Variants in STRIP1 observed in about 807,000 individuals in gnomAD.
STRIP1 encodes the protein striatin-interacting protein 1.
A neutral mutation model predicts 106.2 loss-of-function variants in STRIP1; 63 were observed. The observed-to-expected ratio is 0.59, with a 90% CI of 0.48 to 0.73. STRIP1 has a LOEUF of 0.73. Among genes scored for constraint, STRIP1 ranks in the 30% least tolerant of loss-of-function variants. The probability of loss-of-function intolerance (pLI) is 0.00; values close to 1 mark genes in which losing one functional copy is unlikely to be tolerated. For synonymous variants in STRIP1, 390 were observed against 413.0 expected, an observed-to-expected ratio of 0.94 and a Z score of 0.67; for missense variants, 857 against 1,074.8, an observed-to-expected ratio of 0.80 and a Z score of 2.83.
At chr1:110,049,835 C>CTTTTT in intron 17 of STRIP1, 3 of 234,356 alleles carry the variant, frequency 1.3e-5, no homozygotes, top group East Asian at 9.6e-5. Context: ...CCCTTCTGTA[C>CTTTTT]TTTTTTTTTT....
At chr1:110,051,228 G>A (rs1653284568) in intron 19 of STRIP1, among the ~76,000 whole-genome samples, 168 bp downstream of exon 19, 1 of 152,200 alleles carries the variant, frequency 6.6e-6, no homozygotes, top group Non-Finnish European at 1.5e-5. Context: ...GAATTGAACT[G>A]GAAGCTGGAA....
chr1:110,038,653 A>G (rs1367171965), intron 2 of STRIP1, 30 bp from the exon 3 acceptor site: 1 of 1,601,044 alleles, frequency 6.2e-7, no homozygotes. Flanking sequence ...CAGACATGGA[A>G]CCAATGGTGA....
intron 1 of STRIP1, among the ~76,000 whole-genome samples, chr1:110,036,912 T>G (rs1652484317): frequency 6.6e-6 from 1 of 152,112 alleles, no homozygotes; most frequent in Admixed American, 6.5e-5. Context: ...CAACCTCCAC[T>G]TCCGGGGCTC....
chr1:110,041,142 A>T lies in STRIP1; in HGVS notation c.651-394A>T, dbSNP rs1320213351. 4 of 192,304 alleles carry T rather than the reference A, an allele frequency of 2.1e-5. No homozygotes were observed. In the Admixed American group the frequency reaches 2.2e-4, roughly 11 times the overall value. 11.9% of individuals were successfully genotyped at this position (192,304 alleles called of 1,614,324 possible). A position where few individuals can be genotyped will look rare whatever the true frequency, so the allele number is the denominator to read the frequency against. On this transcript the variant is annotated intron_variant, in intron 6 of 20. Transcript: ENST00000369795. Reference sequence around the variant, plus strand: ...CTCACAGCAACTGCTGACCACCAAGATCACCCCTCAGTTTTTGAGGGTTGA... The same window carrying T: ...CTCACAGCAACTGCTGACCACCAAGTTCACCCCTCAGTTTTTGAGGGTTGA...
chr1:110,045,805 GAGAAA>G (rs1021351874), intron 12 of STRIP1, among the ~76,000 whole-genome samples: 1 of 151,800 alleles, frequency 6.6e-6, no homozygotes, highest in African/African-American at 2.4e-5. Flanking sequence ...AGGTTCTAAA[GAGAAA>G]AGAGAAGGGT....
intron 12 of STRIP1, 43 bp from the exon 13 acceptor site, chr1:110,046,637 A>G (rs771579473): frequency 6.3e-7 from 1 of 1,581,444 alleles, no homozygotes; most frequent in South Asian, 1.1e-5. Flanking sequence ...GTTTGGCCAG[A>G]GAATGTTTTC....
Position 110,047,826 on chromosome 1 carries a change from GACTC to G in STRIP1, c.1620_1623del (p.Asp540GlufsTer5). 1 of 1,569,056 alleles carries G rather than the reference GACTC, an allele frequency of 6.4e-7. No homozygotes were observed. Among genetic ancestry groups the G allele is most frequent in the Non-Finnish European group, 8.7e-7 (1 of 1,155,668 alleles). On this transcript the variant is annotated frameshift_variant, in exon 15 of 21. Transcript: ENST00000369795. LOFTEE classifies it high-confidence loss of function. ...AGCACCCACCTCAAAAGCCAAAACAGACTCAATCAACATCCTAGCGGACGTCTTG... is the reference window on the plus strand; with the variant it reads ...AGCACCCACCTCAAAAGCCAAAACAGAATCAACATCCTAGCGGACGTCTTG...
chr1:110,040,982 C>T (rs541565259), intron 6 of STRIP1, among the ~76,000 whole-genome samples: 7 of 152,098 alleles, frequency 4.6e-5, no homozygotes, highest in African/African-American at 7.2e-5. Flanking sequence ...AGGACCTGGT[C>T]GTGGGGTATT....
At chr1:110,042,460 CT>C (rs1421797282) in intron 8 of STRIP1, among the ~76,000 whole-genome samples, 1 of 152,196 alleles carries the variant, frequency 6.6e-6, no homozygotes, top group Non-Finnish European at 1.5e-5. Context: ...CTCATCCTTC[CT>C]TTCAGAATGG....
chr1:110,039,608 A>G, intron 5 of STRIP1, 93 bp downstream of exon 5: 1 of 1,423,892 alleles, frequency 7.0e-7, no homozygotes, highest in Non-Finnish European at 9.6e-7. Context: ...AGAGGGTTAA[A>G]TGGGGCAGAA....
intron 12 of STRIP1, among the ~76,000 whole-genome samples, chr1:110,045,949 A>G (rs761985136): frequency 6.6e-6 from 1 of 152,236 alleles, no homozygotes; most frequent in East Asian, 1.9e-4. Flanking sequence ...GGGAGAGAAC[A>G]TTAAGAGTGG....
At chr1:110,038,965 A>G in intron 3 of STRIP1, 1 of 743,234 alleles carries the variant, frequency 1.3e-6, no homozygotes, top group South Asian at 1.9e-5. Flanking sequence ...GGAGAAAAAA[A>G]AATCATGTGA....
At chr1:110,048,009 C>A in intron 15 of STRIP1, 140 bp downstream of exon 15, 1 of 706,640 alleles carries the variant, frequency 1.4e-6, no homozygotes, top group Non-Finnish European at 2.4e-6. Context: ...AAAAAGGAAA[C>A]TACGAGATTA....
chr1:110,040,734 G>GCGT, intron 6 of STRIP1, 31 bp downstream of exon 6: 1 of 1,587,968 alleles, frequency 6.3e-7, no homozygotes, highest in Non-Finnish European at 8.6e-7. Flanking sequence ...GGGCTCCTGA[G>GCGT]CGTTAGTCAG....
rs777941342 is a variant in STRIP1 at position 110,046,748 on chromosome 1, A to G, written c.1485A>G (p.Ser495=). ...MEEEYLRSPL[S]GGEEEVEQVP... ...AGGAATACCTCCGCTCCCCTCTCTC[A>G]GGGGTAAGTTGGAGGTCCTCAGTCC... Residue 495 remains serine, a synonymous_variant, in exon 13 of 21, where the codon TCA becomes TCG. Transcript: ENST00000369795. The G allele has an allele frequency of 8.7e-6, 14 of 1,610,096 alleles. No individual in the cohort carries two copies. The highest frequency in any genetic ancestry group is 3.3e-5 in the South Asian group (3 of 91,014).
chr1:110,042,762 C>G (rs751683166), intron 8 of STRIP1: 13 of 235,182 alleles, frequency 5.5e-5, no homozygotes, highest in Non-Finnish European at 1.1e-4. Context: ...AAACATGAGT[C>G]TCACCAACTT....
rs536891985 is a variant in STRIP1, at chr1:110,054,273, T to A, written c.*361T>A. On this transcript the variant is annotated 3_prime_UTR_variant, in exon 21 of 21. Coordinates refer to ENST00000369795, the MANE Select transcript of STRIP1 (RefSeq NM_033088.4). ...GAATTTCAGGGGTCATGCTGATGCC[T>A]CTCGAGACATACAAATCCTTGCTTT... 3.0e-5 allele frequency: 7 copies of A among 232,704 alleles called. No homozygotes were observed. In the East Asian group the frequency reaches 3.4e-4, roughly 11 times the overall value. 14.4% of individuals were successfully genotyped at this position (232,704 alleles called of 1,614,324 possible). A position where few individuals can be genotyped will look rare whatever the true frequency, so the allele number is the denominator to read the frequency against.
chr1:110,037,873 C>G lies in STRIP1; in HGVS notation c.181-18C>G. On this transcript the variant is annotated intron_variant, in intron 1 of 20. Transcript: ENST00000369795. ...TAGAATGATCCTTTTTCCTAAAGCT[C>G]TCTCCTCTTGTCAGCAGGGCTATTC... 6.3e-7 allele frequency: 1 copy of G among 1,582,514 alleles called. No individual in the cohort carries two copies. The highest frequency in any genetic ancestry group is 8.7e-7 in the Non-Finnish European group (1 of 1,152,046).
At chr1:110,034,518 C>T (rs1332486309), upstream of STRIP1, 31 of 1,268,140 alleles carry the variant, frequency 2.4e-5, no homozygotes, top group Non-Finnish European at 2.8e-5. Flanking sequence ...GCCAAGATGG[C>T]TTCTAACACT....
Sources: allele counts gnomAD v4.1 joint callset (sites outside exome capture counted in the v4.1 genomes callset), GRCh38; gene constraint gnomAD v4.1.1; transcripts MANE v1.5; gene names NCBI Gene and HGNC (gene_info 2026-07-23, HGNC 2026-07-21).